The following COL8A2 variants were observed in gnomAD, a reference collection of about 807,000 sequenced individuals.
COL8A2 encodes collagen alpha-2(VIII) chain.
A neutral mutation model predicts 24.0 loss-of-function variants in COL8A2; 16 were observed. That is an observed-to-expected ratio of 0.67 (90% CI 0.45 to 1.01). COL8A2 has a LOEUF of 1.01. COL8A2 is among the 50% of genes least tolerant of loss of function. COL8A2 has a pLI of 0.00. For synonymous variants in COL8A2, 466 were observed against 424.5 expected, an observed-to-expected ratio of 1.10 and a Z score of -1.20; for missense variants, 818 against 942.4, an observed-to-expected ratio of 0.87 and a Z score of 1.73.
chr1:36,118,115 C>CA (rs1446071491), intron 1 of COL8A2, among the ~76,000 whole-genome samples: 2 of 152,238 alleles, frequency 1.3e-5, no homozygotes, highest in Admixed American at 6.5e-5. Flanking sequence ...TAGCACTAGG[C>CA]ACACTCCTGG....
chr1:36,103,676 C>T (rs951322557), intron 2 of COL8A2, among the ~76,000 whole-genome samples: 3 of 151,802 alleles, frequency 2.0e-5, no homozygotes, highest in East Asian at 2.0e-4. Flanking sequence ...CTCTGCTTCC[C>T]GGGTTCAAGC....
Position 36,098,426 on chromosome 1 carries a change from G to C in COL8A2, c.1255C>G (p.Pro419Ala), listed in dbSNP as rs553809063. 2 of 1,583,128 alleles carry C rather than the reference G, an allele frequency of 1.3e-6. No homozygotes were observed. The highest frequency in any genetic ancestry group is 2.3e-5 in the East Asian group (1 of 42,790). ...CCCTTGGGCCCAGTTGGTCCAGGGG[G>C]TCCATGGGCCCCAGGAAGTCCCCTC... Reference protein sequence around the residue: ...GERGLPGAHGPPGPTGPKGEP... With the variant: ...GERGLPGAHGAPGPTGPKGEP... The change falls in exon 4 of 4, where the codon CCC (proline) becomes GCC (alanine). Residue 419 changes from proline to alanine, a missense_variant. Pro to Ala is a conservative substitution (Grantham distance 27). This residue lies in a region of COL8A2 where 573 missense variants were observed against 616.8 expected (regional missense o/e 0.93). Transcript: ENST00000397799.
chr1:36,110,992 C>T (rs1229935473), intron 2 of COL8A2, among the ~76,000 whole-genome samples: 3 of 152,188 alleles, frequency 2.0e-5, no homozygotes, highest in African/African-American at 7.2e-5. Flanking sequence ...CTCCAGACTT[C>T]TCCAGGGTTC....
chr1:36,108,155 G>A (rs1643787752), intron 2 of COL8A2, among the ~76,000 whole-genome samples: 1 of 152,186 alleles, frequency 6.6e-6, no homozygotes, highest in Admixed American at 6.5e-5. Context: ...CATTCCCCAG[G>A]TCCAAGGGGC....
intron 1 of COL8A2, among the ~76,000 whole-genome samples, chr1:36,116,293 C>T (rs935343936): frequency 5.3e-5 from 8 of 152,346 alleles, no homozygotes; most frequent in East Asian, 1.9e-4. Flanking sequence ...GCAATACCCA[C>T]GGGGTGCCTG....
intron 1 of COL8A2, among the ~76,000 whole-genome samples, chr1:36,118,458 A>T (rs959105131): frequency 6.6e-6 from 1 of 152,240 alleles, no homozygotes; most frequent in Non-Finnish European, 1.5e-5. Flanking sequence ...CCAGTGGGCC[A>T]AGGCCCCCTC....
chr1:36,120,826 C>T (rs757906420), intron 1 of COL8A2, among the ~76,000 whole-genome samples: 5 of 150,648 alleles, frequency 3.3e-5, no homozygotes, highest in Non-Finnish European at 7.4e-5. Context: ...TGGTGGCTAA[C>T]ACCTATAATC....
chr1:36,097,560 C>G lies in COL8A2; in HGVS notation c.*9G>C. On this transcript the variant is annotated 3_prime_UTR_variant, in exon 4 of 4. Coordinates refer to ENST00000397799, the MANE Select transcript of COL8A2 (RefSeq NM_005202.4). ...GAGGAGGCCAGGGCAGCAGGACCCC[C>G]CCCGCGGGTTATGTGGGGCAGAGCA... 1 of 1,594,662 alleles carries G rather than the reference C, an allele frequency of 6.3e-7. No homozygotes were observed. The highest frequency in any genetic ancestry group is 1.9e-4 in the Middle Eastern group (1 of 5,172).
chr1:36,099,092 C>A lies in COL8A2; in HGVS notation c.589G>T (p.Gly197Trp). The A allele has an allele frequency of 6.6e-7, 1 of 1,508,728 alleles. No homozygotes were observed. The highest frequency in any genetic ancestry group is 2.3e-5 in the East Asian group (1 of 43,278). The allele number at this position is 1,508,728 out of a possible 1,614,324, so 93.5% of individuals were successfully genotyped here. Residue 197 changes from glycine (G) to tryptophan (W), a missense_variant, in exon 4 of 4, where the codon GGG (glycine) becomes TGG (tryptophan). Gly to Trp is a radical substitution (Grantham distance 184, BLOSUM62 -2). Coordinates refer to ENST00000397799, the MANE Select transcript of COL8A2 (RefSeq NM_005202.4). ...TTGAGGCCTCGATCACCTGGGGGCC[C>A]AGGCTCCCCCTGGGGCCCTGGTTCC... ...QGEPGPQGEP[G>W]PPGDRGLKGD...
At position 36,120,419 on chromosome 1, in the gene COL8A2, C is replaced by T. The variant is rs976071540; in HGVS notation, c.-62+4638G>A. Among the ~76,000 whole-genome samples the T allele has an allele frequency of 7.2e-5, 11 of 152,088 alleles. 1 individual carries two copies. The highest frequency in any genetic ancestry group is 2.2e-4 in the African/African-American group (9 of 41,392). On this transcript the variant is annotated intron_variant, in intron 1 of 3. Coordinates refer to ENST00000397799, the MANE Select transcript of COL8A2 (RefSeq NM_005202.4). ...AGTGAGCCAAGATTGCACCACTGCA[C>T]TCCAGCCTGGGTGACAGAGACTCCA...
intron 1 of COL8A2, among the ~76,000 whole-genome samples, chr1:36,120,091 C>T (rs1230652090): frequency 6.6e-6 from 1 of 152,166 alleles, no homozygotes; most frequent in Non-Finnish European, 1.5e-5. Context: ...GTTCTGGGCT[C>T]TCTCTGGGTC....
chr1:36,121,724 A>AAAAAG (rs1643916095), intron 1 of COL8A2, among the ~76,000 whole-genome samples: 1 of 151,362 alleles, frequency 6.6e-6, no homozygotes. Flanking sequence ...AATTAAAAAA[A>AAAAAG]AAAGAAAGAA....
chr1:36,099,908 T>G, intron 3 of COL8A2, 142 bp downstream of exon 3: 2 of 775,374 alleles, frequency 2.6e-6, no homozygotes, highest in Non-Finnish European at 4.4e-6. Context: ...CTCTGGGGTA[T>G]TAGGAAAAAC....
At chr1:36,101,438 C>T (rs1323398470) in intron 2 of COL8A2, among the ~76,000 whole-genome samples, 1 of 152,164 alleles carries the variant, frequency 6.6e-6, no homozygotes, top group Non-Finnish European at 1.5e-5. Flanking sequence ...TCTATAAAGC[C>T]TCATTTCTTT....
rs867250639 is a variant in COL8A2 at position 36,098,399 on chromosome 1, C to T, written c.1282G>A (p.Glu428Lys). 6.3e-7 allele frequency: 1 copy of T among 1,577,610 alleles called. No individual in the cohort carries two copies. The highest frequency in any genetic ancestry group is 8.6e-7 in the Non-Finnish European group (1 of 1,161,982). Residue 428 changes from glutamate (E) to lysine (K), a missense_variant, in exon 4 of 4, where the codon GAG (glutamate) becomes AAG (lysine). Glu to Lys is a moderately conservative substitution (Grantham distance 56). Coordinates refer to ENST00000397799, the MANE Select transcript of COL8A2 (RefSeq NM_005202.4). ...GPPGPTGPKG[E>K]PGFTGRPGGP... ...CCAGGGCGACCCGTGAAACCCGGCT[C>T]ACCCTTGGGCCCAGTTGGTCCAGGG... is the stretch of plus-strand genomic sequence containing the variant.
At chr1:36,122,410 G>A (rs906469106) in intron 1 of COL8A2, among the ~76,000 whole-genome samples, 1 of 152,108 alleles carries the variant, frequency 6.6e-6, no homozygotes, top group Non-Finnish European at 1.5e-5. Context: ...CTCTTTCTGG[G>A]AGTCAGACTT....
intron 1 of COL8A2, among the ~76,000 whole-genome samples, chr1:36,120,400 C>T (rs756801075): frequency 2.0e-5 from 3 of 152,010 alleles, no homozygotes; most frequent in Non-Finnish European, 4.4e-5. Flanking sequence ...TTGCAGTGAG[C>T]CAAGATTGCA....
At chr1:36,108,528 C>T (rs1042254788) in intron 2 of COL8A2, among the ~76,000 whole-genome samples, 1 of 152,182 alleles carries the variant, frequency 6.6e-6, no homozygotes, top group Non-Finnish European at 1.5e-5. Flanking sequence ...GTGGCGGCCT[C>T]GGGTAGATGC....
intron 2 of COL8A2, among the ~76,000 whole-genome samples, chr1:36,114,797 A>AGCCCTC (rs1643871419): frequency 6.6e-6 from 1 of 152,108 alleles, no homozygotes; most frequent in African/African-American, 2.4e-5. Context: ...TGTCCAGCCA[A>AGCCCTC]GCCCTCAGGT....
Sources: allele counts gnomAD v4.1 joint callset (sites outside exome capture counted in the v4.1 genomes callset), GRCh38; gene constraint gnomAD v4.1.1; regional missense constraint gnomAD v4.1.1; transcripts MANE v1.5; gene names NCBI Gene and HGNC (gene_info 2026-07-23, HGNC 2026-07-21).